Variants in NELL1 observed in about 807,000 individuals in gnomAD.
The protein encoded by NELL1 is protein kinase C-binding protein NELL1.
In NELL1, 76 loss-of-function variants were observed where a neutral mutation model predicts 107.4. The observed-to-expected ratio is 0.71, with a 90% confidence interval of 0.59 to 0.86. The LOEUF (loss-of-function observed/expected upper bound fraction) is 0.86, where lower values mean the gene tolerates loss of function less well. Ranked by LOEUF, NELL1 falls within the 40% of genes least tolerant of loss-of-function variation. The pLI, the probability that NELL1 is intolerant of heterozygous loss-of-function variation, is 0.00. For synonymous variants in NELL1, 353 were observed against 341.2 expected (o/e 1.03, Z -0.38); for missense variants, 1,024 against 1,005.5 (o/e 1.02, Z -0.25).
chr11:20,817,238 G>T (rs1357982303), intron 3 of NELL1, among the ~76,000 whole-genome samples: 1 of 151,988 alleles, frequency 6.6e-6, no homozygotes, highest in Non-Finnish European at 1.5e-5. Context: ...TTGTATGTTT[G>T]GTAGAATTTG....
intron 14 of NELL1, among the ~76,000 whole-genome samples, chr11:21,231,597 T>C (rs1858051873): frequency 6.6e-6 from 1 of 152,170 alleles, no homozygotes; most frequent in Non-Finnish European, 1.5e-5. Context: ...TTATGTTACC[T>C]CATAAAATAA....
chr11:20,885,315 T>C, intron 4 of NELL1, 129 bp from the exon 5 acceptor site: 1 of 646,000 alleles, frequency 1.5e-6, no homozygotes. Context: ...TTATCTGTCA[T>C]GTAAAGTGTG....
intron 2 of NELL1, among the ~76,000 whole-genome samples, chr11:20,723,212 T>C (rs1793011): frequency 0.96 from 145,672 of 152,262 alleles, 70,011 homozygotes; most frequent in Middle Eastern, 1. Flanking sequence ...CATGCCTTCC[T>C]AACTGTTCTG....
chr11:21,547,975 G>C (rs867588555), intron 16 of NELL1, among the ~76,000 whole-genome samples: 99 of 151,858 alleles, frequency 6.5e-4, no homozygotes, highest in African/African-American at 2.2e-3. Context: ...AGTTTCTACC[G>C]ATTCCTAAAT....
At chr11:21,025,662 C>T (rs370487496) in intron 12 of NELL1, among the ~76,000 whole-genome samples, 11 of 152,218 alleles carry the variant, frequency 7.2e-5, no homozygotes, top group Admixed American at 3.9e-4. Flanking sequence ...TCACTCCCTT[C>T]GTGATCTGAT....
intron 14 of NELL1, among the ~76,000 whole-genome samples, chr11:21,330,368 G>A (rs1250734571): frequency 6.6e-6 from 1 of 152,046 alleles, no homozygotes; most frequent in Non-Finnish European, 1.5e-5. Context: ...GGGTCAGTTG[G>A]TTTTAGACTG....
chr11:20,702,227 C>T (rs886356445), intron 2 of NELL1, among the ~76,000 whole-genome samples: 2 of 152,090 alleles, frequency 1.3e-5, no homozygotes, highest in African/African-American at 2.4e-5. Flanking sequence ...TCCTTCACAT[C>T]CCTTGTAAAT....
At chr11:21,553,297 A>T (rs1347407822) in intron 16 of NELL1, among the ~76,000 whole-genome samples, 1 of 151,802 alleles carries the variant, frequency 6.6e-6, no homozygotes, top group Non-Finnish European at 1.5e-5. Flanking sequence ...TTCAGTGCAG[A>T]CAGGAAAAAC....
intron 2 of NELL1, among the ~76,000 whole-genome samples, chr11:20,690,136 T>TG (rs1854423082): frequency 6.6e-6 from 1 of 152,204 alleles, no homozygotes; most frequent in Non-Finnish European, 1.5e-5. Context: ...TGGGGTTGTT[T>TG]TTTTCTTGTG....
At chr11:21,478,034 T>C (rs1176315073) in intron 15 of NELL1, among the ~76,000 whole-genome samples, 1 of 152,014 alleles carries the variant, frequency 6.6e-6, no homozygotes, top group Non-Finnish European at 1.5e-5. Flanking sequence ...GGGTAACTTA[T>C]AAAAGAAAGA....
chr11:21,192,514 A>G (rs556443443), intron 13 of NELL1, among the ~76,000 whole-genome samples: 23 of 151,930 alleles, frequency 1.5e-4, no homozygotes, highest in Non-Finnish European at 2.5e-4. Flanking sequence ...AAAAGTGAGC[A>G]TTAGGCTATT....
intron 2 of NELL1, among the ~76,000 whole-genome samples, chr11:20,707,981 C>T (rs921362042): frequency 1.3e-5 from 2 of 152,250 alleles, no homozygotes; most frequent in Non-Finnish European, 2.9e-5. Context: ...GCCTGAGCTG[C>T]AGTGGGCTCC....
At chr11:21,409,918 T>G (rs1945434) in intron 15 of NELL1, among the ~76,000 whole-genome samples, 85,445 of 151,664 alleles carry the variant, frequency 0.56, 24,548 homozygotes, top group African/African-American at 0.66. Flanking sequence ...AAATAATTAA[T>G]GAAAGGCAGG....
intron 15 of NELL1, among the ~76,000 whole-genome samples, chr11:21,431,138 G>T (rs1328401175): frequency 6.6e-6 from 1 of 151,972 alleles, no homozygotes; most frequent in Non-Finnish European, 1.5e-5. Flanking sequence ...TATTTCTGCT[G>T]ACATCTACTT....
At chr11:20,918,013 A>G (rs1850294494) in intron 5 of NELL1, among the ~76,000 whole-genome samples, 169 bp from the exon 6 acceptor site, 2 of 151,952 alleles carry the variant, frequency 1.3e-5, no homozygotes, top group South Asian at 4.1e-4. Context: ...TGAGATTCCT[A>G]AAGTAGGATG....
intron 12 of NELL1, among the ~76,000 whole-genome samples, chr11:21,044,442 C>T (rs1259832888): frequency 2.6e-5 from 4 of 151,986 alleles, no homozygotes; most frequent in African/African-American, 9.7e-5. Flanking sequence ...AGAAGTTTGG[C>T]GTAGTAGCAG....
intron 15 of NELL1, among the ~76,000 whole-genome samples, chr11:21,372,685 CAG>C (rs1408131720): frequency 1.3e-5 from 2 of 151,644 alleles, no homozygotes; most frequent in African/African-American, 4.8e-5. Context: ...GATGGAATAT[CAG>C]GGGGTGGTTT....
chr11:20,687,989 C>G (rs1034664564), intron 2 of NELL1, among the ~76,000 whole-genome samples: 1 of 151,988 alleles, frequency 6.6e-6, no homozygotes, highest in Non-Finnish European at 1.5e-5. Context: ...AATTGAATCC[C>G]TATAATGCTT....
At chr11:21,481,054 A>T (rs1854480996) in intron 15 of NELL1, among the ~76,000 whole-genome samples, 1 of 152,204 alleles carries the variant, frequency 6.6e-6, no homozygotes, top group Non-Finnish European at 1.5e-5. Flanking sequence ...GCCTTTCTCC[A>T]AAGGCCATTG....
Sources: allele counts gnomAD v4.1 joint callset (sites outside exome capture counted in the v4.1 genomes callset), GRCh38; gene constraint gnomAD v4.1.1; transcripts MANE v1.5; gene names NCBI Gene and HGNC (gene_info 2026-07-23, HGNC 2026-07-21).